Variants in ZNF503 observed in about 807,000 individuals in gnomAD.
ZNF503 encodes the protein zinc finger protein 503, also known as NocA-like zinc finger 2.
A neutral mutation model predicts 34.4 loss-of-function variants in ZNF503; 15 were observed. That is an observed-to-expected ratio of 0.44 (90% confidence interval 0.29 to 0.67). The LOEUF (loss-of-function observed/expected upper bound fraction) is 0.67, where lower values mean the gene tolerates loss of function less well. Among genes scored for constraint, ZNF503 ranks in the 30% least tolerant of loss-of-function variants. The probability of loss-of-function intolerance (pLI) is 0.13; values close to 1 mark genes in which losing one functional copy is unlikely to be tolerated. For missense variants in ZNF503, 1,007 were observed against 926.8 expected, an observed-to-expected ratio of 1.09 and a Z score of -1.12; for synonymous variants, 580 against 456.8, an observed-to-expected ratio of 1.27 and a Z score of -3.44.
chr10:75,318,687 A>AG, the ZNF503 span, among the ~76,000 whole-genome samples: 9 of 145,012 alleles, frequency 6.2e-5, no homozygotes, highest in Non-Finnish European at 9.2e-5. Context: ...AAAAAAAAAA[A>AG]GTAAGATAAT....
chr10:75,285,750 C>A, the ZNF503 span, among the ~76,000 whole-genome samples: 1 of 152,166 alleles, frequency 6.6e-6, no homozygotes, highest in Non-Finnish European at 1.5e-5. Context: ...CATTGACCAG[C>A]ACACTGCTGG....
Position 75,399,210 on chromosome 10 carries a change from A to T in ZNF503, c.1480T>A (p.Ser494Thr). ...AAAAAGATPP[S>T]LAGHPLYPYG... ...GGGTAGAGGGGGTGGCCGGCCAGGG[A>T]GGGCGGTGTGGCGCCAGCAGCCGCG... The change falls in exon 2 of 2, where the codon TCC becomes ACC. Residue 494 changes from serine (S) to threonine (T), a missense_variant. Physicochemically the swap from Ser to Thr is moderately conservative, Grantham distance 58 (BLOSUM62 1). Transcript: ENST00000372524. The T allele has an allele frequency of 6.3e-7, 1 of 1,595,914 alleles. No homozygotes were observed. Among genetic ancestry groups the T allele is most frequent in the Non-Finnish European group, 8.5e-7 (1 of 1,169,826 alleles).
chr10:75,323,243 C>G, the ZNF503 span, among the ~76,000 whole-genome samples: 8 of 152,268 alleles, frequency 5.3e-5, no homozygotes, highest in Admixed American at 2.0e-4. Flanking sequence ...TATGGTTGCA[C>G]TATATAATGT....
chr10:75,288,324 G>A, the ZNF503 span: 1 of 152,614 alleles, frequency 6.6e-6, no homozygotes, highest in African/African-American at 2.4e-5. Flanking sequence ...GCCTGGGCCT[G>A]GGGCCTCAGA....
At chr10:75,370,313 G>A in the ZNF503 span, among the ~76,000 whole-genome samples, 6 of 152,222 alleles carry the variant, frequency 3.9e-5, no homozygotes, top group Admixed American at 1.3e-4. Flanking sequence ...CAGGGCAGGG[G>A]CCAGGAAAGA....
chr10:75,284,335 CA>C, the ZNF503 span, among the ~76,000 whole-genome samples: 1 of 143,044 alleles, frequency 7.0e-6, no homozygotes, highest in South Asian at 2.1e-4. Flanking sequence ...AGAGAGCAGA[CA>C]GTAGGGAGGA....
At chr10:75,334,495 G>A in the ZNF503 span, among the ~76,000 whole-genome samples, 1 of 152,154 alleles carries the variant, frequency 6.6e-6, no homozygotes, top group African/African-American at 2.4e-5. Flanking sequence ...TTGTGGATAA[G>A]AAATTATAGT....
the ZNF503 span, among the ~76,000 whole-genome samples, chr10:75,387,879 T>C: frequency 6.6e-6 from 1 of 152,174 alleles, no homozygotes; most frequent in African/African-American, 2.4e-5. Flanking sequence ...CTTCAGGGGC[T>C]TCCAGGCAGC....
chr10:75,318,594 A>G, the ZNF503 span, among the ~76,000 whole-genome samples: 5 of 150,120 alleles, frequency 3.3e-5, no homozygotes, highest in South Asian at 1.1e-3. Flanking sequence ...GATTGAGCCT[A>G]GGAGTTGGAG....
At position 75,399,023 on chromosome 10, in the gene ZNF503, G is replaced by A; in HGVS notation, c.1667C>T (p.Pro556Leu). The A allele has an allele frequency of 6.2e-7, 1 of 1,610,734 alleles. No individual in the cohort carries two copies. The highest frequency in any genetic ancestry group is 8.5e-7 in the Non-Finnish European group (1 of 1,179,688). The change falls in exon 2 of 2, where the codon CCC becomes CTC. Residue 556 changes from proline (P) to leucine (L), a missense_variant. Coordinates refer to ENST00000372524, the MANE Select transcript of ZNF503 (RefSeq NM_032772.6). ...AGCGCTGGCCAGAGACGACGAGCTG[G>A]GGTAGCCCGACAGCAGTTTGTCTGT... ...PGTDKLLSGYPSSSSLASAAA... is the reference protein window; with the variant it reads ...PGTDKLLSGYLSSSSLASAAA...
At chr10:75,286,916 G>C in the ZNF503 span, among the ~76,000 whole-genome samples, 1 of 152,302 alleles carries the variant, frequency 6.6e-6, no homozygotes, top group East Asian at 1.9e-4. Flanking sequence ...ACTCCTAGCA[G>C]CTATTGCAAA....
chr10:75,306,388 G>C, the ZNF503 span, among the ~76,000 whole-genome samples: 1 of 151,788 alleles, frequency 6.6e-6, no homozygotes, highest in Non-Finnish European at 1.5e-5. Context: ...TTTTTGAATT[G>C]GTTTGTCTGA....
At chr10:75,345,648 A>G in the ZNF503 span, among the ~76,000 whole-genome samples, 20 of 151,074 alleles carry the variant, frequency 1.3e-4, no homozygotes, top group South Asian at 1.3e-3. Flanking sequence ...AAAAAAAAAA[A>G]AAAAGAAAAG....
the ZNF503 span, among the ~76,000 whole-genome samples, chr10:75,367,881 A>G: frequency 3.9e-5 from 6 of 152,200 alleles, no homozygotes; most frequent in Non-Finnish European, 1.5e-5. Context: ...GGAAGACCCA[A>G]GGGTCCTTCC....
the ZNF503 span, among the ~76,000 whole-genome samples, chr10:75,292,966 C>T: frequency 2.0e-5 from 3 of 152,096 alleles, no homozygotes; most frequent in African/African-American, 7.2e-5. Flanking sequence ...ATGTGACTTT[C>T]GAGAGCTCCA....
chr10:75,334,738 G>A, the ZNF503 span, among the ~76,000 whole-genome samples: 1 of 152,200 alleles, frequency 6.6e-6, no homozygotes, highest in African/African-American at 2.4e-5. Context: ...CTTTGCTTAT[G>A]CCAGCCCAGA....
chr10:75,377,294 C>T, the ZNF503 span, among the ~76,000 whole-genome samples: 3 of 152,208 alleles, frequency 2.0e-5, no homozygotes, highest in African/African-American at 7.2e-5. Flanking sequence ...TCATGGAAAG[C>T]CCAGGGCACA....
the ZNF503 span, among the ~76,000 whole-genome samples, chr10:75,376,465 G>A: frequency 2.6e-5 from 4 of 152,114 alleles, no homozygotes; most frequent in South Asian, 2.1e-4. Context: ...CCAACATGGC[G>A]AAACCCTGTC....
the ZNF503 span, among the ~76,000 whole-genome samples, chr10:75,284,351 C>T: frequency 1.5e-4 from 22 of 150,666 alleles, no homozygotes; most frequent in Admixed American, 1.5e-3. Flanking sequence ...GGAGGAGAGG[C>T]CCAGAAGAGG....
Sources: allele counts gnomAD v4.1 joint callset (sites outside exome capture counted in the v4.1 genomes callset), GRCh38; gene constraint gnomAD v4.1.1; transcripts MANE v1.5; gene names NCBI Gene and HGNC (gene_info 2026-07-23, HGNC 2026-07-21).